Variants in MOB3B observed in about 807,000 individuals in gnomAD.
MOB3B encodes the protein MOB kinase activator-like 2B.
In MOB3B, 7 loss-of-function variants were observed where a neutral mutation model predicts 18.7. The observed-to-expected ratio is 0.37, with a 90% CI of 0.21 to 0.70. The LOEUF is 0.70. Ranked by LOEUF, MOB3B falls within the 30% of genes least tolerant of loss-of-function variation. MOB3B has a pLI of 0.52. For missense variants in MOB3B, 253 were observed against 281.3 expected (o/e 0.90, Z 0.72); for synonymous variants, 111 against 99.9 (o/e 1.11, Z -0.66).
chr9:27,350,013 T>C (rs1407519933), intron 3 of MOB3B, among the ~76,000 whole-genome samples: 2 of 152,204 alleles, frequency 1.3e-5, no homozygotes, highest in African/African-American at 4.8e-5. Context: ...GATGAAAATG[T>C]TCAGTATCTG....
chr9:27,443,521 G>A (rs1822627515), intron 2 of MOB3B, among the ~76,000 whole-genome samples: 1 of 152,194 alleles, frequency 6.6e-6, no homozygotes, highest in African/African-American at 2.4e-5. Flanking sequence ...TCAGGATTTA[G>A]TTGGGGAAAA....
chr9:27,407,680 C>T (rs1822003046), intron 2 of MOB3B, among the ~76,000 whole-genome samples: 1 of 152,200 alleles, frequency 6.6e-6, no homozygotes, highest in Non-Finnish European at 1.5e-5. Flanking sequence ...TCCAAGGAAA[C>T]TGGTCATTCT....
At chr9:27,453,399 G>T (rs1822822601) in intron 2 of MOB3B, among the ~76,000 whole-genome samples, 1 of 152,136 alleles carries the variant, frequency 6.6e-6, no homozygotes, top group African/African-American at 2.4e-5. Flanking sequence ...TTCTGACCAG[G>T]TAAGCACGTT....
chr9:27,335,825 T>C (rs1387982451), intron 3 of MOB3B, among the ~76,000 whole-genome samples: 1 of 152,180 alleles, frequency 6.6e-6, no homozygotes, highest in South Asian at 2.1e-4. Flanking sequence ...TCAGTGCCCA[T>C]GACACCTTTC....
At chr9:27,413,249 G>C (rs137975810) in intron 2 of MOB3B, among the ~76,000 whole-genome samples, 1 of 152,258 alleles carries the variant, frequency 6.6e-6, no homozygotes, top group Non-Finnish European at 1.5e-5. Context: ...GGGGCAAAGG[G>C]ACAGGGAGGA....
chr9:27,479,092 G>A (rs888151635), intron 1 of MOB3B, among the ~76,000 whole-genome samples: 10 of 152,062 alleles, frequency 6.6e-5, no homozygotes, highest in African/African-American at 1.9e-4. Flanking sequence ...CCTGTTTTAC[G>A]CTGCTATAAC....
intron 2 of MOB3B, among the ~76,000 whole-genome samples, chr9:27,377,729 T>A (rs1289960768): frequency 6.6e-6 from 1 of 152,246 alleles, no homozygotes; most frequent in South Asian, 2.1e-4. Flanking sequence ...CTGTGACCTA[T>A]AAAAAGTTTT....
intron 3 of MOB3B, among the ~76,000 whole-genome samples, chr9:27,332,775 C>T (rs1233741520): frequency 2.0e-5 from 3 of 152,160 alleles, no homozygotes; most frequent in Non-Finnish European, 2.9e-5. Flanking sequence ...AGGAAAAACC[C>T]TCAGGGAAGG....
intron 2 of MOB3B, among the ~76,000 whole-genome samples, chr9:27,406,803 G>A (rs1404041500): frequency 1.3e-5 from 2 of 151,620 alleles, no homozygotes; most frequent in Admixed American, 6.6e-5. Context: ...AAACACTGGG[G>A]AAATGCTCAA....
intron 1 of MOB3B, among the ~76,000 whole-genome samples, chr9:27,475,277 T>C (rs915551586): frequency 1.4e-4 from 21 of 152,226 alleles, no homozygotes; most frequent in Non-Finnish European, 2.5e-4. Context: ...CAGTCAAACC[T>C]TGATACAGCT....
At chr9:27,477,167 A>T (rs1265946361) in intron 1 of MOB3B, among the ~76,000 whole-genome samples, 7 of 152,232 alleles carry the variant, frequency 4.6e-5, no homozygotes, top group Non-Finnish European at 8.8e-5. Context: ...TATTTTGAAC[A>T]AGGAGCCCCA....
chr9:27,401,168 C>T (rs759033925), intron 2 of MOB3B, among the ~76,000 whole-genome samples: 2 of 152,172 alleles, frequency 1.3e-5, no homozygotes, highest in African/African-American at 4.8e-5. Context: ...ACGCGGTCTG[C>T]CTTCTCTGCC....
chr9:27,475,322 G>A lies in MOB3B; in HGVS notation c.-198-19574C>T, dbSNP rs73646507. 3.8e-3 allele frequency among the ~76,000 whole-genome samples: 575 copies of A among 152,350 alleles called. 2 individuals are homozygous for A. The highest frequency in any genetic ancestry group is 0.013 in the African/African-American group (552 of 41,582). ...GCCTTGGGAGAGATCCTGAACCGGA[G>A]AACCCAGCTACGCTGTACTCTGCCT... On this transcript the variant is annotated intron_variant, in intron 1 of 3. Transcript: ENST00000262244.
At chr9:27,381,864 T>G (rs1416025969) in intron 2 of MOB3B, among the ~76,000 whole-genome samples, 15 of 152,172 alleles carry the variant, frequency 9.9e-5, no homozygotes, top group Admixed American at 9.8e-4. Context: ...TAGGCTGGTA[T>G]CAAACTACGG....
At chr9:27,392,600 A>G (rs1026012435) in intron 2 of MOB3B, among the ~76,000 whole-genome samples, 1 of 152,194 alleles carries the variant, frequency 6.6e-6, no homozygotes, top group East Asian at 1.9e-4. Context: ...AATAAAAGAC[A>G]ATCCTTTACA....
intron 2 of MOB3B, among the ~76,000 whole-genome samples, chr9:27,395,088 G>T (rs1013723713): frequency 2.6e-5 from 4 of 152,294 alleles, no homozygotes; most frequent in Non-Finnish European, 2.9e-5. Flanking sequence ...TACTTTGTTT[G>T]GGGGGTGGAG....
intron 2 of MOB3B, among the ~76,000 whole-genome samples, chr9:27,449,773 CGAGACCAGCCTGGCCAA>C (rs1471519092): frequency 1.3e-5 from 2 of 151,974 alleles, no homozygotes; most frequent in Non-Finnish European, 2.9e-5. Flanking sequence ...ATCAGGAGTT[CGAGACCAGCCTGGCCAA>C]GATGGCAAAA....
intron 2 of MOB3B, among the ~76,000 whole-genome samples, chr9:27,412,797 T>C (rs1432309870): frequency 6.6e-6 from 1 of 152,222 alleles, no homozygotes; most frequent in Non-Finnish European, 1.5e-5. Flanking sequence ...TTATAGCTGG[T>C]CACTAAGTCA....
At chr9:27,414,028 G>T (rs1822111750) in intron 2 of MOB3B, among the ~76,000 whole-genome samples, 1 of 152,180 alleles carries the variant, frequency 6.6e-6, no homozygotes. Flanking sequence ...CTTTCATTTA[G>T]CTTAGGAGCA....
Sources: gnomAD v4.1 joint callset for allele counts (sites outside exome capture counted in the v4.1 genomes callset) on GRCh38, gnomAD v4.1.1 for gene constraint, MANE v1.5 for transcripts, NCBI Gene and HGNC (gene_info 2026-07-23, HGNC 2026-07-21) for gene names.